Variants in FANCA observed in about 807,000 individuals in gnomAD.
FANCA encodes FA complementation group A.
In FANCA, 236 loss-of-function variants were observed where a neutral mutation model predicts 194.3. That is an observed-to-expected ratio of 1.21 (90% CI 1.09 to 1.35). The LOEUF (loss-of-function observed/expected upper bound fraction) is 1.35, where lower values mean the gene tolerates loss of function less well. FANCA is among the 40% of genes most tolerant of loss of function. The pLI is 0.00. For synonymous variants in FANCA, 1,014 were observed against 715.8 expected (o/e 1.42, Z -6.65); for missense variants, 2,628 against 1,813.9 (o/e 1.45, Z -8.15).
chr16:89,806,177 T>C (rs552452210), intron 6 of FANCA, among the ~76,000 whole-genome samples: 163 of 152,146 alleles, frequency 1.1e-3, no homozygotes, highest in African/African-American at 3.9e-3. Flanking sequence ...CCTCCCAAAG[T>C]GCTGGGATTA....
At chr16:89,815,617 A>G (rs749018659) in intron 2 of FANCA, among the ~76,000 whole-genome samples, 11 of 152,200 alleles carry the variant, frequency 7.2e-5, no homozygotes, top group Non-Finnish European at 1.6e-4. Flanking sequence ...TGGCCTCCCC[A>G]AAAGCTGGGA....
At chr16:89,788,267 C>T (rs753327178) in intron 14 of FANCA, among the ~76,000 whole-genome samples, 1 of 151,826 alleles carries the variant, frequency 6.6e-6, no homozygotes, top group Non-Finnish European at 1.5e-5. Context: ...TCGAGACCAT[C>T]CTGGCCAACA....
At chr16:89,790,983 C>G (rs1049104631) in intron 14 of FANCA, 3 of 256,106 alleles carry the variant, frequency 1.2e-5, no homozygotes, top group Non-Finnish European at 2.3e-5. Flanking sequence ...GTGTCTGCCA[C>G]CACACCTGCG....
chr16:89,742,927 G>C lies in FANCA; in HGVS notation c.3638C>G (p.Pro1213Arg). Reference protein sequence around the residue: ...GRQFASDFLSPEAASPAPNPD... With the variant: ...GRQFASDFLSREAASPAPNPD... ...GTTGGGTGCTGGGGAGGCAGCCTCA[G>C]GGGAGAGGAAACTGGGACAGAGAGA... Residue 1213 changes from proline to arginine, a missense_variant, in exon 37 of 43, where the codon CCT (proline) becomes CGT (arginine). By Grantham distance (103) the Pro-to-Arg change is moderately radical (BLOSUM62 -2). Transcript: ENST00000389301. 6.2e-7 allele frequency: 1 copy of C among 1,614,016 alleles called. No homozygotes were observed. Among genetic ancestry groups the C allele is most frequent in the Non-Finnish European group, 8.5e-7 (1 of 1,179,910 alleles).
At chr16:89,739,649 G>A (rs1464605369) in intron 39 of FANCA, 96 bp from the exon 40 acceptor site, 1 of 1,509,642 alleles carries the variant, frequency 6.6e-7, no homozygotes, top group Non-Finnish European at 9.0e-7. Flanking sequence ...TACCCTGGGA[G>A]GCCTGGCTGT....
chr16:89,752,245 T>C, intron 30 of FANCA, 23 bp from the exon 31 acceptor site: 4 of 1,594,620 alleles, frequency 2.5e-6, no homozygotes, highest in Non-Finnish European at 3.4e-6. Flanking sequence ...TACAATAAAA[T>C]CCTCCTCAGT....
intron 3 of FANCA, among the ~76,000 whole-genome samples, chr16:89,813,242 C>G (rs1031189760): frequency 6.6e-6 from 1 of 151,704 alleles, no homozygotes; most frequent in African/African-American, 2.4e-5. Flanking sequence ...TGGCAAAACC[C>G]TGTCTCTATG....
chr16:89,806,066 C>T (rs1009066541), intron 6 of FANCA, among the ~76,000 whole-genome samples: 7 of 152,198 alleles, frequency 4.6e-5, no homozygotes, highest in African/African-American at 1.7e-4. Context: ...GCACCTGCCA[C>T]CTTGCCCAGC....
At chr16:89,807,545 T>A (rs1467984235) in intron 6 of FANCA, among the ~76,000 whole-genome samples, 1 of 150,260 alleles carries the variant, frequency 6.7e-6, no homozygotes, top group Non-Finnish European at 1.5e-5. Context: ...AGGTTAGGAG[T>A]TTGACACCAG....
chr16:89,753,674 G>A (rs1490820819), intron 30 of FANCA, among the ~76,000 whole-genome samples: 4 of 152,110 alleles, frequency 2.6e-5, no homozygotes, highest in Non-Finnish European at 5.9e-5. Context: ...CAGATTTAAT[G>A]AGGAAAGACT....
chr16:89,814,668 C>A lies in FANCA; in HGVS notation c.190-55G>T, dbSNP rs1800284. The A allele has an allele frequency of 0.011, 14,127 of 1,314,980 alleles. 1,218 individuals are homozygous for A. The African/African-American group carries it at 0.18, about 17-fold the overall frequency. The allele number at this position is 1,314,980 out of a possible 1,614,324, so 81.5% of individuals were successfully genotyped here. The stretch of plus-strand genomic sequence containing the variant: ...TAAAAAATTCAAGCTCCAGGCCAGG[C>A]GTAGTGGCTCACGCCTGTAATCCCA... On this transcript the variant is annotated intron_variant, in intron 2 of 42. Transcript: ENST00000389301.
At chr16:89,808,647 C>G (rs2040756852) in intron 5 of FANCA, among the ~76,000 whole-genome samples, 1 of 152,132 alleles carries the variant, frequency 6.6e-6, no homozygotes, top group South Asian at 2.1e-4. Flanking sequence ...ACTTCTAACC[C>G]TTTCTCCACA....
chr16:89,798,754 CG>C, intron 10 of FANCA: 2 of 1,370,352 alleles, frequency 1.5e-6, no homozygotes, highest in Non-Finnish European at 1.9e-6. Context: ...GGCCAGGCAG[CG>C]GGAGTCTGTA....
At chr16:89,773,852 A>T (rs1177641580) in intron 21 of FANCA, among the ~76,000 whole-genome samples, 1 of 148,192 alleles carries the variant, frequency 6.7e-6, no homozygotes, top group Non-Finnish European at 1.5e-5. Context: ...GGCTCACTGT[A>T]ACCTCCGCCT....
At chr16:89,754,852 C>A (rs12924254) in intron 30 of FANCA, among the ~76,000 whole-genome samples, 1,939 of 152,242 alleles carry the variant, frequency 0.013, 32 homozygotes, top group South Asian at 0.091. Context: ...ACATGCAGTC[C>A]GTATCAGGGT....
chr16:89,759,980 C>T (rs1483749790), intron 29 of FANCA, among the ~76,000 whole-genome samples: 2 of 151,780 alleles, frequency 1.3e-5, no homozygotes, highest in East Asian at 1.9e-4. Flanking sequence ...GCTCCACCCA[C>T]GCTGTCCGGG....
chr16:89,764,103 G>A (rs1389888047), intron 28 of FANCA, among the ~76,000 whole-genome samples: 5 of 151,592 alleles, frequency 3.3e-5, no homozygotes, highest in Admixed American at 6.6e-5. Flanking sequence ...TTAGTCGGGC[G>A]TGGTGGCAGG....
In FANCA at chr16:89,805,220, G is replaced by A. The variant is rs1199009430; in HGVS notation, c.709+60C>T. On this transcript the variant is annotated intron_variant, in intron 7 of 42. Coordinates refer to ENST00000389301, the MANE Select transcript of FANCA (RefSeq NM_000135.4). The stretch of plus-strand genomic sequence containing the variant: ...CCTCGCAGAGCTCTTGAGAGCAGAA[G>A]GCATTATCACAGATCAAAATGAGTT... 1.6e-5 allele frequency: 21 copies of A among 1,298,958 alleles called. No homozygotes were observed. The Admixed American group carries it at 3.8e-4, about 24-fold the overall frequency. The allele number at this position is 1,298,958 out of a possible 1,614,324, so 80.5% of individuals were successfully genotyped here. A position where few individuals can be genotyped will look rare whatever the true frequency, so the allele number is the denominator to read the frequency against.
intron 7 of FANCA, among the ~76,000 whole-genome samples, chr16:89,804,245 A>C (rs938395833): frequency 6.6e-6 from 1 of 152,124 alleles, no homozygotes; most frequent in Non-Finnish European, 1.5e-5. Flanking sequence ...TTCTCATCTA[A>C]TTTTTATTTG....
Sources: gnomAD v4.1 joint callset for allele counts (sites outside exome capture counted in the v4.1 genomes callset) on GRCh38, gnomAD v4.1.1 for gene constraint, MANE v1.5 for transcripts, NCBI Gene and HGNC (gene_info 2026-07-23, HGNC 2026-07-21) for gene names.